Variants in ARHGAP6 observed in about 807,000 individuals in gnomAD.
ARHGAP6 encodes the protein Rho GTPase activating protein 6.
Under a neutral mutation model 55.7 loss-of-function variants are expected in ARHGAP6, and 16 were observed. The observed-to-expected ratio is 0.29, with a 90% CI of 0.19 to 0.44. ARHGAP6 has a LOEUF of 0.44. Among genes scored for constraint, ARHGAP6 ranks in the 20% least tolerant of loss-of-function variants. ARHGAP6 has a pLI of 1.00. For missense variants in ARHGAP6, 698 were observed against 808.9 expected, an observed-to-expected ratio of 0.86 and a Z score of 1.66; for synonymous variants, 382 against 360.9, an observed-to-expected ratio of 1.06 and a Z score of -0.66.
chrX:11,208,596 C>T (rs892542402), intron 2 of ARHGAP6, among the ~76,000 whole-genome samples: 4 of 112,172 alleles, frequency 3.6e-5, no homozygotes, highest in Non-Finnish European at 7.5e-5. Flanking sequence ...AACCTCTAAG[C>T]CCTTGGAATA....
At position 11,350,876 on chromosome X, in the gene ARHGAP6, GA is replaced by G. The variant is rs991861015; in HGVS notation, c.589-96170del. The stretch of plus-strand genomic sequence containing the variant: ...TTATGTATTCAAAGAGCTCCCGGGG[GA>G]AAAAAATCTGTTAACTATAATACTT... On this transcript the variant is annotated intron_variant, in intron 1 of 12. Coordinates refer to ENST00000337414, the MANE Select transcript of ARHGAP6 (RefSeq NM_013427.3). Among the ~76,000 whole-genome samples, 22 of 110,500 alleles carry G rather than the reference GA, an allele frequency of 2.0e-4. No homozygotes were observed. The South Asian group carries it at 6.6e-3, about 33-fold the overall frequency.
chrX:11,313,489 G>A (rs778655533), intron 1 of ARHGAP6, among the ~76,000 whole-genome samples: 14 of 111,706 alleles, frequency 1.3e-4, no homozygotes, highest in South Asian at 3.8e-4. Context: ...TTCCTAAGGC[G>A]TCAGTCACAG....
chrX:11,516,076 ACT>A (rs1344712062), intron 1 of ARHGAP6, among the ~76,000 whole-genome samples: 1 of 112,009 alleles, frequency 8.9e-6, no homozygotes, highest in Non-Finnish European at 1.9e-5. Context: ...TTCTGGGGGA[ACT>A]CTCTCTGCTA....
chrX:11,452,210 C>T (rs935471814), intron 1 of ARHGAP6, among the ~76,000 whole-genome samples: 9 of 112,241 alleles, frequency 8.0e-5, no homozygotes, highest in Non-Finnish European at 1.7e-4. Context: ...TGCAGTGGCA[C>T]GATCTCGGCT....
chrX:11,218,686 C>T (rs1387630046), intron 2 of ARHGAP6, among the ~76,000 whole-genome samples: 3 of 111,191 alleles, frequency 2.7e-5, no homozygotes, highest in African/African-American at 9.8e-5. Flanking sequence ...CTAGTTTAGT[C>T]TTGGGAGGGT....
At chrX:11,330,733 C>G (rs2048553069) in intron 1 of ARHGAP6, among the ~76,000 whole-genome samples, 1 of 111,773 alleles carries the variant, frequency 8.9e-6, no homozygotes, top group South Asian at 3.8e-4. Context: ...CTCATAGACC[C>G]ACGGTAAGAA....
intron 1 of ARHGAP6, among the ~76,000 whole-genome samples, chrX:11,655,385 C>A (rs2052626906): frequency 8.9e-6 from 1 of 112,062 alleles, no homozygotes; most frequent in Non-Finnish European, 1.9e-5. Context: ...ATCTTCATTT[C>A]TCTTAGGTAT....
chrX:11,301,997 G>A (rs1279347595), intron 1 of ARHGAP6, among the ~76,000 whole-genome samples: 4 of 112,138 alleles, frequency 3.6e-5, no homozygotes, highest in Admixed American at 1.9e-4. Context: ...ATTCAGATAC[G>A]TAGTGTGATA....
At chrX:11,516,887 G>A (rs1349012566) in intron 1 of ARHGAP6, among the ~76,000 whole-genome samples, 1 of 111,378 alleles carries the variant, frequency 9.0e-6, no homozygotes, top group African/African-American at 3.3e-5. Context: ...CTCCAAAACT[G>A]TAAATGTAGG....
At chrX:11,517,589 T>C (rs1255055237) in intron 1 of ARHGAP6, among the ~76,000 whole-genome samples, 4 of 111,582 alleles carry the variant, frequency 3.6e-5, no homozygotes, top group Admixed American at 9.6e-5. Flanking sequence ...TTTAATCCTA[T>C]GTGTTTGGTT....
At chrX:11,388,330 C>T (rs774322570) in intron 1 of ARHGAP6, among the ~76,000 whole-genome samples, 2,328 of 110,059 alleles carry the variant, frequency 0.021, 61 homozygotes, top group African/African-American at 0.073. Flanking sequence ...TTTCATGTGT[C>T]TTTTGGCTGC....
At position 11,251,007 on chromosome X, in the gene ARHGAP6, G is replaced by A. The variant is rs1045709336; in HGVS notation, c.748+3541C>T. On this transcript the variant is annotated intron_variant, in intron 2 of 12. Coordinates refer to ENST00000337414, the MANE Select transcript of ARHGAP6 (RefSeq NM_013427.3). Reference sequence around the variant, plus strand: ...ACTAAGGCTGGGGAATTAAAAGTCCGATATGGTGTATTTAGCTTAACAGTG... The same window carrying A: ...ACTAAGGCTGGGGAATTAAAAGTCCAATATGGTGTATTTAGCTTAACAGTG... 6.3e-5 allele frequency among the ~76,000 whole-genome samples: 7 copies of A among 111,958 alleles called. No individual in the cohort carries two copies. In the East Asian group the frequency reaches 8.4e-4, roughly 13 times the overall value.
At chrX:11,250,497 T>A (rs1048009664) in intron 2 of ARHGAP6, among the ~76,000 whole-genome samples, 1 of 111,337 alleles carries the variant, frequency 9.0e-6, no homozygotes, top group Non-Finnish European at 1.9e-5. Flanking sequence ...CTGAAATGGG[T>A]CTCGCTGGGC....
chrX:11,211,243 G>T (rs1243715140), intron 2 of ARHGAP6, among the ~76,000 whole-genome samples: 3 of 97,393 alleles, frequency 3.1e-5, no homozygotes, highest in African/African-American at 7.8e-5. Context: ...TTTTTTTTGA[G>T]ATGGAGTTTC....
intron 1 of ARHGAP6, among the ~76,000 whole-genome samples, chrX:11,455,549 GA>G (rs745994872): frequency 1.5e-4 from 17 of 111,802 alleles, no homozygotes; most frequent in African/African-American, 5.5e-4. Context: ...TTGCAAACGG[GA>G]AAAAATAAAA....
intron 1 of ARHGAP6, chrX:11,351,277 A>G: frequency 1.2e-6 from 1 of 818,959 alleles, no homozygotes; most frequent in South Asian, 3.2e-5. Flanking sequence ...AAAAATAAAA[A>G]TGAACTTTAC....
chrX:11,371,336 A>G (rs1266261632), intron 1 of ARHGAP6, among the ~76,000 whole-genome samples: 2 of 112,128 alleles, frequency 1.8e-5, no homozygotes, highest in African/African-American at 3.2e-5. Flanking sequence ...CCAGCCATGC[A>G]CATTCATTTG....
At chrX:11,506,615 C>T (rs1007814817) in intron 1 of ARHGAP6, among the ~76,000 whole-genome samples, 1 of 106,119 alleles carries the variant, frequency 9.4e-6, no homozygotes, top group Non-Finnish European at 1.9e-5. Context: ...GTATATGTGC[C>T]ACATTTCTTT....
intron 1 of ARHGAP6, among the ~76,000 whole-genome samples, chrX:11,657,327 G>A (rs1235142061): frequency 9.1e-6 from 1 of 109,677 alleles, no homozygotes; most frequent in Non-Finnish European, 1.9e-5. Flanking sequence ...CATTGTGAAT[G>A]AACAGCTGGA....
Sources: allele counts gnomAD v4.1 joint callset (sites outside exome capture counted in the v4.1 genomes callset), GRCh38; gene constraint gnomAD v4.1.1; transcripts MANE v1.5; gene names NCBI Gene and HGNC (gene_info 2026-07-23, HGNC 2026-07-21).